Variants in C12orf54 observed in about 807,000 individuals in gnomAD.
C12orf54 encodes the protein chromosome 12 open reading frame 54.
A neutral mutation model predicts 26.4 loss-of-function variants in C12orf54; 24 were observed. The ratio of observed to expected loss-of-function variants is 0.91; its 90% CI spans 0.66 to 1.28. The LOEUF (loss-of-function observed/expected upper bound fraction) is 1.28, where lower values mean the gene tolerates loss of function less well. C12orf54 is among the 50% of genes most tolerant of loss of function. The probability of loss-of-function intolerance (pLI) is 0.00; values close to 1 mark genes in which losing one functional copy is unlikely to be tolerated. For missense variants in C12orf54, 154 were observed against 150.9 expected (o/e 1.02, Z -0.11); for synonymous variants, 54 against 47.0 (o/e 1.15, Z -0.61).
the C12orf54 span, among the ~76,000 whole-genome samples, chr12:48,464,236 A>T: frequency 6.6e-6 from 1 of 152,174 alleles, no homozygotes; most frequent in Non-Finnish European, 1.5e-5. Context: ...TTCAGAATAC[A>T]AAATCAATGT....
At chr12:48,452,310 C>A in the C12orf54 span, among the ~76,000 whole-genome samples, 1 of 152,138 alleles carries the variant, frequency 6.6e-6, no homozygotes, top group Non-Finnish European at 1.5e-5. Context: ...GGACCCCTTC[C>A]TCACCCCATA....
At chr12:48,422,845 TA>T in the C12orf54 span, among the ~76,000 whole-genome samples, 24 of 152,204 alleles carry the variant, frequency 1.6e-4, no homozygotes, top group Non-Finnish European at 3.1e-4. Context: ...CATGGAAGAA[TA>T]AATTCTTGAG....
At chr12:48,432,822 T>C in the C12orf54 span, among the ~76,000 whole-genome samples, 2 of 150,044 alleles carry the variant, frequency 1.3e-5, no homozygotes, top group African/African-American at 4.9e-5. Context: ...TGAGCCCAGA[T>C]CACACCATTG....
At chr12:48,421,855 G>A in the C12orf54 span, among the ~76,000 whole-genome samples, 1 of 152,118 alleles carries the variant, frequency 6.6e-6, no homozygotes, top group South Asian at 2.1e-4. Context: ...TGTTGTGAGT[G>A]GTTGCTTTTT....
At chr12:48,466,191 A>G in the C12orf54 span, among the ~76,000 whole-genome samples, 102 of 152,350 alleles carry the variant, frequency 6.7e-4, no homozygotes, top group African/African-American at 2.5e-3. Context: ...CTATTATTAT[A>G]ATACAAGAAA....
chr12:48,423,186 G>A, the C12orf54 span, among the ~76,000 whole-genome samples: 1 of 151,988 alleles, frequency 6.6e-6, no homozygotes. Flanking sequence ...TGTAGACAAC[G>A]TACACTTGTA....
chr12:48,473,150 C>T, the C12orf54 span: 5 of 1,569,638 alleles, frequency 3.2e-6, no homozygotes, highest in Non-Finnish European at 4.4e-6. Context: ...ATGGTGAGGG[C>T]TTTGTGGAGT....
the C12orf54 span, among the ~76,000 whole-genome samples, chr12:48,452,988 A>AG: frequency 6.6e-6 from 1 of 152,166 alleles, no homozygotes; most frequent in Non-Finnish European, 1.5e-5. Flanking sequence ...CCCATTACTG[A>AG]GTATATACCC....
At chr12:48,432,474 C>A in the C12orf54 span, among the ~76,000 whole-genome samples, 1 of 152,090 alleles carries the variant, frequency 6.6e-6, no homozygotes, top group Non-Finnish European at 1.5e-5. Flanking sequence ...AGAACATCAT[C>A]CTTAATGCTG....
the C12orf54 span, among the ~76,000 whole-genome samples, chr12:48,431,642 A>C: frequency 6.6e-6 from 1 of 152,252 alleles, no homozygotes; most frequent in Non-Finnish European, 1.5e-5. Context: ...AAAATGTCAA[A>C]GATGAGTTTT....
At chr12:48,475,669 A>C in the C12orf54 span, among the ~76,000 whole-genome samples, 3 of 152,218 alleles carry the variant, frequency 2.0e-5, no homozygotes, top group African/African-American at 7.2e-5. Flanking sequence ...AAATGAATGA[A>C]ATGAAGCAAG....
At chr12:48,490,472 G>A (rs975609032) in intron 5 of C12orf54, among the ~76,000 whole-genome samples, 1 of 152,090 alleles carries the variant, frequency 6.6e-6, no homozygotes, top group African/African-American at 2.4e-5. Flanking sequence ...GACCAACATG[G>A]TGAATCCCCA....
At chr12:48,471,400 T>C in the C12orf54 span, among the ~76,000 whole-genome samples, 3,662 of 152,308 alleles carry the variant, frequency 0.024, 139 homozygotes, top group African/African-American at 0.084. Flanking sequence ...GGAACCAACA[T>C]AGGAGTGCAG....
Position 48,493,007 on chromosome 12 carries a change from T to C in C12orf54, c.242+12T>C. Reference sequence around the variant, plus strand: ...GCACCCAGGACTGGGTAAGTGTCCCTATTCTGACAATGTTCAAGGGAGATG... The same window carrying C: ...GCACCCAGGACTGGGTAAGTGTCCCCATTCTGACAATGTTCAAGGGAGATG... On this transcript the variant is annotated intron_variant, in intron 7 of 8. Transcript: ENST00000548364. 6.2e-7 allele frequency: 1 copy of C among 1,612,746 alleles called. No individual in the cohort carries two copies.
chr12:48,476,939 A>T, the C12orf54 span, among the ~76,000 whole-genome samples: 1 of 152,238 alleles, frequency 6.6e-6, no homozygotes, highest in Admixed American at 6.5e-5. Context: ...TCAACAGAAT[A>T]TACATTCTTT....
chr12:48,487,765 A>G, intron 4 of C12orf54: 1 of 371,328 alleles, frequency 2.7e-6, no homozygotes, highest in Non-Finnish European at 4.9e-6. Context: ...AAATATCTAC[A>G]TACACTATAT....
the C12orf54 span, among the ~76,000 whole-genome samples, chr12:48,454,875 T>C: frequency 6.6e-6 from 1 of 152,240 alleles, no homozygotes; most frequent in East Asian, 1.9e-4. Flanking sequence ...CACTACTGCT[T>C]CCTTGTGGCT....
chr12:48,432,284 G>A, the C12orf54 span, among the ~76,000 whole-genome samples: 2 of 151,974 alleles, frequency 1.3e-5, no homozygotes, highest in Admixed American at 1.3e-4. Context: ...ATACAGTACT[G>A]AACAAAAGAG....
At chr12:48,488,637 T>C (rs1937713320) in intron 4 of C12orf54, 3 of 442,084 alleles carry the variant, frequency 6.8e-6, no homozygotes, top group Non-Finnish European at 8.1e-6. Context: ...CGAAAATAAA[T>C]ATAATAGTAG....
Sources: allele counts gnomAD v4.1 joint callset (sites outside exome capture counted in the v4.1 genomes callset), GRCh38; gene constraint gnomAD v4.1.1; transcripts MANE v1.5; gene names NCBI Gene and HGNC (gene_info 2026-07-23, HGNC 2026-07-21).